Variants in CTNNA3 observed in about 807,000 individuals in gnomAD.
CTNNA3 encodes the protein catenin alpha 3, also known as catenin alpha-3.
CTNNA3 carries 76 observed loss-of-function variants against 95.7 expected under a neutral mutation model. The ratio of observed to expected loss-of-function variants is 0.79; its 90% CI spans 0.66 to 0.96. CTNNA3 has a LOEUF of 0.96. CTNNA3 is among the 40% of genes least tolerant of loss of function. The pLI is 0.00. For synonymous variants in CTNNA3, 431 were observed against 374.4 expected (o/e 1.15, Z -1.74); for missense variants, 1,191 against 1,089.8 (o/e 1.09, Z -1.31).
intron 12 of CTNNA3, among the ~76,000 whole-genome samples, chr10:66,363,098 C>T (rs1338124215): frequency 6.6e-6 from 1 of 152,186 alleles, no homozygotes; most frequent in Non-Finnish European, 1.5e-5. Flanking sequence ...TACACTTCAA[C>T]AACAGAATGA....
chr10:66,518,366 G>A (rs78827443), intron 11 of CTNNA3, among the ~76,000 whole-genome samples: 1,701 of 152,144 alleles, frequency 0.011, 38 homozygotes, highest in African/African-American at 0.037. Flanking sequence ...TGTGCTGTCA[G>A]TATTACTATG....
intron 17 of CTNNA3, among the ~76,000 whole-genome samples, chr10:65,959,724 A>T (rs868517368): frequency 6.6e-6 from 1 of 152,090 alleles, no homozygotes; most frequent in Non-Finnish European, 1.5e-5. Flanking sequence ...CATGTTGCCC[A>T]TGGTTGGTCT....
chr10:65,942,059 G>C (rs1564528859), intron 17 of CTNNA3, among the ~76,000 whole-genome samples: 1 of 152,110 alleles, frequency 6.6e-6, no homozygotes, highest in African/African-American at 2.4e-5. Flanking sequence ...TCACAAGGGT[G>C]TTTACTCAAA....
In CTNNA3 at chr10:66,360,670, C is replaced by CTTT. The variant is rs1564896378; in HGVS notation, c.1732+18481_1732+18482insAAA. Reference sequence around the variant, plus strand: ...TTCTTTCTTTCTTTCTTCCTTCCTTCCTTCCTTCCTTCCTTCCTTCCTTTT... The same window carrying CTTT: ...TTCTTTCTTTCTTTCTTCCTTCCTTCTTTCTTCCTTCCTTCCTTCCTTCCTTTT... On this transcript the variant is annotated intron_variant, in intron 12 of 17. Coordinates refer to ENST00000433211, the MANE Select transcript of CTNNA3 (RefSeq NM_013266.4). 2.0e-3 allele frequency among the ~76,000 whole-genome samples: 104 copies of CTTT among 51,548 alleles called. 1 individual carries two copies. Among genetic ancestry groups the CTTT allele is most frequent in the African/African-American group, 4.9e-3 (96 of 19,578 alleles). The allele number at this position is 51,548 out of a possible 152,430, so 33.8% of individuals were successfully genotyped here.
chr10:67,287,067 C>T (rs1333378927), intron 5 of CTNNA3, among the ~76,000 whole-genome samples: 1 of 152,050 alleles, frequency 6.6e-6, no homozygotes, highest in Non-Finnish European at 1.5e-5. Flanking sequence ...GGCCCGAGCG[C>T]GGTGGCTCGT....
chr10:67,704,634 G>T (rs1376983640), intron 1 of CTNNA3, among the ~76,000 whole-genome samples: 1 of 152,122 alleles, frequency 6.6e-6, no homozygotes, highest in Non-Finnish European at 1.5e-5. Flanking sequence ...ATTCAAGATG[G>T]ATTAAAGACT....
chr10:66,236,753 G>A (rs1589814399), intron 13 of CTNNA3, among the ~76,000 whole-genome samples: 2 of 151,954 alleles, frequency 1.3e-5, no homozygotes, highest in Middle Eastern at 6.8e-3. Flanking sequence ...TGTTCATTTA[G>A]GATTTGTTTA....
At chr10:66,483,596 G>T (rs2131909669) in intron 11 of CTNNA3, among the ~76,000 whole-genome samples, 1 of 152,180 alleles carries the variant, frequency 6.6e-6, no homozygotes, top group Non-Finnish European at 1.5e-5. Context: ...TTTATTTGTT[G>T]TCTTTACCTC....
At chr10:67,033,226 G>C (rs1405747365) in intron 7 of CTNNA3, among the ~76,000 whole-genome samples, 1 of 152,142 alleles carries the variant, frequency 6.6e-6, no homozygotes. Context: ...AGTTCTATTT[G>C]TATAAGGCTT....
At chr10:66,368,199 T>C (rs1467907363) in intron 12 of CTNNA3, among the ~76,000 whole-genome samples, 1 of 152,002 alleles carries the variant, frequency 6.6e-6, no homozygotes, top group African/African-American at 2.4e-5. Context: ...TGGATGAATA[T>C]AGTATTCTAA....
At chr10:66,628,021 C>T (rs747915376) in intron 9 of CTNNA3, among the ~76,000 whole-genome samples, 7 of 152,178 alleles carry the variant, frequency 4.6e-5, no homozygotes, top group South Asian at 2.1e-4. Flanking sequence ...CCCACACTCT[C>T]GCATTATAGC....
chr10:66,344,246 T>C (rs1276573198), intron 12 of CTNNA3, among the ~76,000 whole-genome samples: 1 of 145,520 alleles, frequency 6.9e-6, no homozygotes, highest in Non-Finnish European at 1.5e-5. Context: ...AAAAATTGAC[T>C]GCAATGTGTT....
chr10:67,378,065 C>T (rs1358084995), intron 5 of CTNNA3, among the ~76,000 whole-genome samples: 1 of 151,870 alleles, frequency 6.6e-6, no homozygotes, highest in Non-Finnish European at 1.5e-5. Flanking sequence ...ATTTTGTACC[C>T]TTTAACAAAT....
At position 66,236,018 on chromosome 10, in the gene CTNNA3, T is replaced by C. The variant is rs1322199406; in HGVS notation, c.1884+44452A>G. ...TTGGAAAATGAGGTCACTCTACCTATGGAAAAGACAAAGGAAATTTTAAGT... is the reference window on the plus strand; with the variant it reads ...TTGGAAAATGAGGTCACTCTACCTACGGAAAAGACAAAGGAAATTTTAAGT... On this transcript the variant is annotated intron_variant, in intron 13 of 17. Transcript: ENST00000433211. Among the ~76,000 whole-genome samples, 3 of 152,286 alleles carry C rather than the reference T, an allele frequency of 2.0e-5. No homozygotes were observed. In the East Asian group the frequency reaches 5.8e-4, roughly 29 times the overall value.
rs1272791704 is a variant in CTNNA3 at position 66,436,604 on chromosome 10, T to A, written c.1532-57252A>T. On this transcript the variant is annotated intron_variant, in intron 11 of 17. Coordinates refer to ENST00000433211, the MANE Select transcript of CTNNA3 (RefSeq NM_013266.4). ...TTTGTCTTTGCATGTGAGATAAGTC[T>A]CCTGAATACAGGACACCTATGGGTC... Among the ~76,000 whole-genome samples, 3 of 148,830 alleles carry A rather than the reference T, an allele frequency of 2.0e-5. No individual in the cohort carries two copies. The East Asian group carries it at 6.3e-4, about 31-fold the overall frequency.
chr10:66,836,301 C>T (rs1765865354), intron 7 of CTNNA3, among the ~76,000 whole-genome samples: 1 of 152,052 alleles, frequency 6.6e-6, no homozygotes, highest in Admixed American at 6.6e-5. Flanking sequence ...TTCCACAGTC[C>T]CCTGAAAGTA....
intron 1 of CTNNA3, among the ~76,000 whole-genome samples, chr10:67,726,409 A>ATGAAAT (rs1841219238): frequency 1.6e-5 from 1 of 63,660 alleles, no homozygotes; most frequent in African/African-American, 8.8e-5. Context: ...ATATTATATC[A>ATGAAAT]TATATAATAT....
chr10:67,077,950 AC>A (rs952285400), intron 7 of CTNNA3, among the ~76,000 whole-genome samples: 3 of 152,158 alleles, frequency 2.0e-5, no homozygotes, highest in Non-Finnish European at 4.4e-5. Context: ...GTGATTTACA[AC>A]ACAAATCTCA....
At chr10:67,214,442 C>T (rs1864265493) in intron 6 of CTNNA3, among the ~76,000 whole-genome samples, 1 of 151,364 alleles carries the variant, frequency 6.6e-6, no homozygotes, top group Non-Finnish European at 1.5e-5. Context: ...TAATTATACA[C>T]TGTGTTTCCA....
Sources: allele counts gnomAD v4.1 joint callset (sites outside exome capture counted in the v4.1 genomes callset), GRCh38; gene constraint gnomAD v4.1.1; transcripts MANE v1.5; gene names NCBI Gene and HGNC (gene_info 2026-07-23, HGNC 2026-07-21).